KHDC1: variants seen among roughly 807,000 people sequenced by gnomAD.
The protein encoded by KHDC1 is KH domain containing 1.
In KHDC1, 21 loss-of-function variants were observed where a neutral mutation model predicts 24.7. The observed-to-expected ratio is 0.85, with a 90% CI of 0.60 to 1.23. KHDC1 has a LOEUF of 1.23. Among genes scored for constraint, KHDC1 ranks in the 50% most tolerant of loss-of-function variants. The probability of loss-of-function intolerance (pLI) is 0.00; values close to 1 mark genes in which losing one functional copy is unlikely to be tolerated. For missense variants in KHDC1, 274 were observed against 298.5 expected (o/e 0.92, Z 0.61); for synonymous variants, 98 against 111.7 (o/e 0.88, Z 0.77).
At chr6:73,267,985 C>T (rs192184710) in intron 2 of KHDC1, 62 of 152,736 alleles carry the variant, frequency 4.1e-4, no homozygotes, top group African/African-American at 1.3e-3. Context: ...TACAGGCACA[C>T]GCCACCATGC....
chr6:73,257,916 T>C (rs1766909428), intron 2 of KHDC1, among the ~76,000 whole-genome samples: 1 of 152,088 alleles, frequency 6.6e-6, no homozygotes, highest in African/African-American at 2.4e-5. Flanking sequence ...AAGATCAGGC[T>C]GGGCAACATA....
intron 2 of KHDC1, among the ~76,000 whole-genome samples, chr6:73,287,395 A>T (rs1014933846): frequency 6.6e-6 from 1 of 152,178 alleles, no homozygotes; most frequent in Non-Finnish European, 1.5e-5. Flanking sequence ...AGGGTTATTA[A>T]ATGACTAAGG....
chr6:73,267,888 G>A (rs1178562493), intron 2 of KHDC1, among the ~76,000 whole-genome samples: 1 of 151,880 alleles, frequency 6.6e-6, no homozygotes, highest in Non-Finnish European at 1.5e-5. Flanking sequence ...CCAGCCTGGA[G>A]TGCGATGGCA....
At chr6:73,295,631 A>G (rs1428911405) in intron 1 of KHDC1, among the ~76,000 whole-genome samples, 1 of 151,890 alleles carries the variant, frequency 6.6e-6, no homozygotes, top group Admixed American at 6.6e-5. Flanking sequence ...GGATTACCTG[A>G]GGTCAGGAGT....
chr6:73,246,422 C>A (rs779702145), intron 2 of KHDC1, among the ~76,000 whole-genome samples: 3 of 152,076 alleles, frequency 2.0e-5, no homozygotes, highest in Non-Finnish European at 4.4e-5. Context: ...AAAGAACTTT[C>A]CAAAATATCT....
intron 2 of KHDC1, among the ~76,000 whole-genome samples, chr6:73,246,162 T>C (rs1766661206): frequency 6.6e-6 from 1 of 152,194 alleles, no homozygotes; most frequent in African/African-American, 2.4e-5. Context: ...ATCACATATC[T>C]ACTGCCTATA....
intron 1 of KHDC1, among the ~76,000 whole-genome samples, chr6:73,298,022 C>T (rs1290902469): frequency 6.6e-6 from 1 of 152,050 alleles, no homozygotes; most frequent in Admixed American, 6.6e-5. Flanking sequence ...GAAATCCTGT[C>T]TCTACTAAAA....
chr6:73,291,963 T>C, intron 2 of KHDC1: 1 of 1,611,888 alleles, frequency 6.2e-7, no homozygotes, highest in Admixed American at 1.7e-5. Flanking sequence ...TTTGGTAAGA[T>C]GGCGGGGTAC....
intron 1 of KHDC1, among the ~76,000 whole-genome samples, chr6:73,296,559 ATACAT>A (rs1351675222): frequency 1.3e-5 from 2 of 152,222 alleles, no homozygotes; most frequent in South Asian, 2.1e-4. Context: ...TTATCACATT[ATACAT>A]AAGTGGGTTG....
At chr6:73,257,850 G>A (rs1448570849) in intron 2 of KHDC1, among the ~76,000 whole-genome samples, 2 of 152,154 alleles carry the variant, frequency 1.3e-5, no homozygotes, top group African/African-American at 4.8e-5. Context: ...GCTCACACCT[G>A]TAATCCCAGC....
chr6:73,295,350 G>T (rs10455273), intron 1 of KHDC1, among the ~76,000 whole-genome samples: 35,700 of 152,102 alleles, frequency 0.23, 4,900 homozygotes, highest in African/African-American at 0.37. Flanking sequence ...TAGACCTCTT[G>T]TCATTATAAA....
intron 2 of KHDC1, chr6:73,263,125 G>C: frequency 1.0e-6 from 1 of 996,204 alleles, no homozygotes; most frequent in South Asian, 4.4e-5. Context: ...GGTACCTCCT[G>C]GGCCGCGCAC....
intron 1 of KHDC1, among the ~76,000 whole-genome samples, chr6:73,296,061 G>A (rs1767752575): frequency 1.3e-5 from 2 of 151,912 alleles, no homozygotes; most frequent in South Asian, 4.2e-4. Flanking sequence ...AGAATCGCTT[G>A]AGCCTGGGAG....
At chr6:73,241,631 C>T (rs761292485) in exon 5 of KHDC1, 1 of 1,614,178 alleles carries the variant, frequency 6.2e-7, no homozygotes, top group Non-Finnish European at 8.5e-7. Flanking sequence ...TCCTGGGAGC[C>T]AAAGACAGGT....
At chr6:73,241,968 G>T in intron 4 of KHDC1, 87 bp downstream of exon 3, 4 of 1,404,254 alleles carry the variant, frequency 2.8e-6, no homozygotes, top group Non-Finnish European at 2.9e-6. Context: ...GCCACACAAG[G>T]GATTCTTCAA....
chr6:73,308,028 G>A (rs1049784030), intron 1 of KHDC1, among the ~76,000 whole-genome samples: 2 of 150,894 alleles, frequency 1.3e-5, no homozygotes, highest in Admixed American at 6.6e-5. Context: ...TCAGCCTCCC[G>A]AGTAGCTGGG....
At chr6:73,271,904 T>A (rs965589820) in intron 2 of KHDC1, among the ~76,000 whole-genome samples, 1 of 150,904 alleles carries the variant, frequency 6.6e-6, no homozygotes, top group Non-Finnish European at 1.5e-5. Flanking sequence ...CAAAAAAAAA[T>A]AAGAAGACTG....
chr6:73,257,856 C>T (rs989524303), intron 2 of KHDC1, among the ~76,000 whole-genome samples: 1 of 151,998 alleles, frequency 6.6e-6, no homozygotes. Flanking sequence ...ACCTGTAATC[C>T]CAGCATGCTG....
intron 2 of KHDC1, among the ~76,000 whole-genome samples, chr6:73,289,550 C>T (rs928991836): frequency 1.3e-5 from 2 of 151,522 alleles, no homozygotes; most frequent in African/African-American, 4.8e-5. Context: ...ACTCCAGAGG[C>T]TGACACATGA....
Sources: gnomAD v4.1 joint callset for allele counts (sites outside exome capture counted in the v4.1 genomes callset) on GRCh38, gnomAD v4.1.1 for gene constraint, MANE v1.5 for transcripts, NCBI Gene and HGNC (gene_info 2026-07-23, HGNC 2026-07-21) for gene names.